The following FAM222B variants were observed in gnomAD, a reference collection of about 807,000 sequenced individuals.
FAM222B encodes family with sequence similarity 222 member B.
Under a neutral mutation model 38.0 loss-of-function variants are expected in FAM222B, and 12 were observed. The ratio of observed to expected loss-of-function variants is 0.32; its 90% confidence interval spans 0.20 to 0.51. The LOEUF (loss-of-function observed/expected upper bound fraction) is 0.51, where lower values mean the gene tolerates loss of function less well. Ranked by LOEUF, FAM222B falls within the 20% of genes least tolerant of loss-of-function variation. FAM222B has a pLI of 0.97. For synonymous variants in FAM222B, 329 were observed against 317.2 expected (o/e 1.04, Z -0.40); for missense variants, 716 against 754.2 (o/e 0.95, Z 0.59).
chr17:28,819,658 T>G (rs1416107365), intron 1 of FAM222B, among the ~76,000 whole-genome samples: 1 of 152,116 alleles, frequency 6.6e-6, no homozygotes, highest in Admixed American at 6.6e-5. Flanking sequence ...ACAAATTAAA[T>G]CCAAGAGAAC....
intron 1 of FAM222B, among the ~76,000 whole-genome samples, chr17:28,781,733 C>T (rs2036176591): frequency 6.6e-6 from 1 of 152,156 alleles, no homozygotes; most frequent in Non-Finnish European, 1.5e-5. Context: ...TTTTAAGTAA[C>T]ATGAATGAAC....
At chr17:28,800,854 A>G (rs1045784410) in intron 1 of FAM222B, among the ~76,000 whole-genome samples, 37 of 28,032 alleles carry the variant, frequency 1.3e-3, no homozygotes, top group Middle Eastern at 0.022. Flanking sequence ...CATTTTGTTG[A>G]AAAAAAAAAA....
chr17:28,836,415 G>A (rs921849820), intron 1 of FAM222B, among the ~76,000 whole-genome samples: 26 of 152,094 alleles, frequency 1.7e-4, no homozygotes, highest in Admixed American at 7.9e-4. Flanking sequence ...GCCATGAGGC[G>A]GGCTTGTAGC....
intron 1 of FAM222B, among the ~76,000 whole-genome samples, chr17:28,837,331 G>A (rs2038878069): frequency 6.6e-6 from 1 of 150,420 alleles, no homozygotes; most frequent in African/African-American, 2.5e-5. Context: ...TAGGGAGGCT[G>A]AGGCAGGAGA....
chr17:28,836,942 A>T (rs1170334051), intron 1 of FAM222B, among the ~76,000 whole-genome samples: 1 of 151,894 alleles, frequency 6.6e-6, no homozygotes, highest in East Asian at 1.9e-4. Flanking sequence ...ACATGGCAAA[A>T]CTCCATCTCT....
upstream of FAM222B, among the ~76,000 whole-genome samples, chr17:28,843,442 C>CT (rs1161514672): frequency 0.05 from 4,311 of 86,976 alleles, 226 homozygotes; most frequent in East Asian, 0.11. Flanking sequence ...CAGCCTGGGT[C>CT]TTTTTTTTTT....
At chr17:28,825,758 T>C (rs1272892990) in intron 1 of FAM222B, among the ~76,000 whole-genome samples, 1 of 152,164 alleles carries the variant, frequency 6.6e-6, no homozygotes, top group Non-Finnish European at 1.5e-5. Context: ...ACAGTGTTTA[T>C]CATTAACTGA....
intron 2 of FAM222B, among the ~76,000 whole-genome samples, chr17:28,764,389 C>T (rs2035233328): frequency 6.6e-6 from 1 of 151,908 alleles, no homozygotes; most frequent in African/African-American, 2.4e-5. Context: ...TTGCAGTGAG[C>T]CGAGATCGTG....
intron 1 of FAM222B, among the ~76,000 whole-genome samples, chr17:28,785,120 A>G (rs1289776342): frequency 6.6e-6 from 1 of 152,186 alleles, no homozygotes; most frequent in Non-Finnish European, 1.5e-5. Flanking sequence ...TCTACAGATA[A>G]GGAAACCCAG....
intron 1 of FAM222B, among the ~76,000 whole-genome samples, chr17:28,842,368 C>T (rs1449129357): frequency 6.6e-6 from 1 of 152,094 alleles, no homozygotes; most frequent in East Asian, 1.9e-4. Flanking sequence ...CATCCTCCAC[C>T]ACCCTCCCCC....
Position 28,759,460 on chromosome 17 carries a change from C to A in FAM222B, c.499G>T (p.Ala167Ser), listed in dbSNP as rs755940006. The change falls in exon 3 of 3, where the codon GCC becomes TCC. Residue 167 changes from alanine to serine, a missense_variant. Transcript: ENST00000581407. This position sits in a 1 kb window ranked among gnomAD's most constrained non-coding sequence, Gnocchi z 4.8. ...ALQHAQTLAH[A>S]PPQTLQHPQG... The stretch of plus-strand genomic sequence containing the variant: ...GGGTGCTGCAGCGTCTGGGGAGGGG[C>A]ATGGGCCAGGGTCTGTGCATGCTGC... The A allele has an allele frequency of 3.2e-6, 5 of 1,567,462 alleles. No individual in the cohort carries two copies. The highest frequency in any genetic ancestry group is 4.3e-6 in the Non-Finnish European group (5 of 1,158,018).
At position 28,758,202 on chromosome 17, in the gene FAM222B, GTTAC is replaced by G. The variant is rs757768440; in HGVS notation, c.*64_*67del. 97 of 1,302,990 alleles carry G rather than the reference GTTAC, an allele frequency of 7.4e-5. No homozygotes were observed. The highest frequency in any genetic ancestry group is 9.1e-5 in the Non-Finnish European group (86 of 942,302). 80.7% of individuals were successfully genotyped at this position (1,302,990 alleles called of 1,614,324 possible). ...AGCAGTGAAACTTTGAAACTATCCAGTTACTTAAAAGACTAAACCTAGGAGGGTG... is the reference window on the plus strand; with the variant it reads ...AGCAGTGAAACTTTGAAACTATCCAGTTAAAAGACTAAACCTAGGAGGGTG... On this transcript the variant is annotated 3_prime_UTR_variant, in exon 3 of 3. Transcript: ENST00000581407.
chr17:28,772,044 G>A (rs574191611), intron 1 of FAM222B, among the ~76,000 whole-genome samples: 3 of 152,066 alleles, frequency 2.0e-5, no homozygotes, highest in East Asian at 1.9e-4. Flanking sequence ...GCAACAGAGC[G>A]AGACTATGTC....
chr17:28,813,022 CGGGGGGGG>C (rs71359255), intron 1 of FAM222B, among the ~76,000 whole-genome samples: 33 of 894 alleles, frequency 0.037, 1 homozygote, highest in Non-Finnish European at 0.079. Flanking sequence ...AGAAATTAAG[CGGGGGGGG>C]GGGGGGGGGG....
intron 1 of FAM222B, among the ~76,000 whole-genome samples, chr17:28,793,027 A>AC (rs2151877848): frequency 6.6e-6 from 1 of 151,568 alleles, no homozygotes; most frequent in African/African-American, 2.4e-5. Context: ...AACTGCTCCC[A>AC]CCTCAGTCTT....
chr17:28,771,122 G>A (rs1047976559), intron 1 of FAM222B, among the ~76,000 whole-genome samples: 2 of 151,464 alleles, frequency 1.3e-5, no homozygotes, highest in African/African-American at 4.9e-5. Context: ...CTAAATCCAA[G>A]GTCAGACAGC....
intron 1 of FAM222B, among the ~76,000 whole-genome samples, chr17:28,785,193 ATC>A (rs1394751491): frequency 3.4e-5 from 4 of 118,486 alleles, no homozygotes; most frequent in Non-Finnish European, 8.6e-5. Flanking sequence ...CTGGTATTGA[ATC>A]TCTGTCTTAG....
intron 1 of FAM222B, among the ~76,000 whole-genome samples, chr17:28,794,253 C>A (rs1356528401): frequency 6.7e-6 from 1 of 149,482 alleles, no homozygotes; most frequent in African/African-American, 2.5e-5. Context: ...GAGTCTTGCT[C>A]TGTCACCCAG....
chr17:28,762,690 G>C (rs1444489376), intron 2 of FAM222B, among the ~76,000 whole-genome samples: 6 of 145,662 alleles, frequency 4.1e-5, no homozygotes, highest in Non-Finnish European at 3.0e-5. Context: ...TGTAATCCCA[G>C]CACTTTGGGA....
Sources: allele counts gnomAD v4.1 joint callset (sites outside exome capture counted in the v4.1 genomes callset), GRCh38; gene constraint gnomAD v4.1.1; non-coding constraint Gnocchi (gnomAD v3.1); transcripts MANE v1.5; gene names NCBI Gene and HGNC (gene_info 2026-07-23, HGNC 2026-07-21).